Variants in SND1 observed in about 807,000 individuals in gnomAD.
The protein encoded by SND1 is staphylococcal nuclease and tudor domain containing 1, also known as staphylococcal nuclease domain-containing protein 1.
SND1 carries 38 observed loss-of-function variants against 121.7 expected under a neutral mutation model. The observed-to-expected ratio is 0.31, with a 90% CI of 0.24 to 0.41. The LOEUF (loss-of-function observed/expected upper bound fraction) is 0.41, where lower values mean the gene tolerates loss of function less well. SND1 is among the 10% of genes least tolerant of loss of function. SND1 has a pLI of 1.00. For missense variants in SND1, 868 were observed against 1,184.6 expected, an observed-to-expected ratio of 0.73 and a Z score of 3.92; for synonymous variants, 401 against 447.4, an observed-to-expected ratio of 0.90 and a Z score of 1.31.
chr7:127,690,320 A>G (rs1795891718), intron 2 of SND1, among the ~76,000 whole-genome samples: 1 of 152,086 alleles, frequency 6.6e-6, no homozygotes, highest in African/African-American at 2.4e-5. Flanking sequence ...CTCTTACTGA[A>G]ACCCCTCTGG....
intron 12 of SND1, among the ~76,000 whole-genome samples, chr7:127,853,849 C>T (rs1231313333): frequency 6.6e-6 from 1 of 152,188 alleles, no homozygotes; most frequent in Non-Finnish European, 1.5e-5. Context: ...GTGGGCATCA[C>T]AGGGAAGTGG....
chr7:127,768,013 C>A (rs377223606), intron 10 of SND1, among the ~76,000 whole-genome samples: 4 of 152,296 alleles, frequency 2.6e-5, no homozygotes, highest in East Asian at 1.9e-4. Flanking sequence ...TCATTCTGTT[C>A]AACCCCTTTC....
intron 16 of SND1, among the ~76,000 whole-genome samples, chr7:128,058,573 C>G (rs1012591207): frequency 6.6e-6 from 1 of 152,208 alleles, no homozygotes; most frequent in African/African-American, 2.4e-5. Flanking sequence ...AAGGCAGGAC[C>G]AGGCACAAAG....
In SND1 at chr7:128,029,771, C is replaced by G. The variant is rs1357341184; in HGVS notation, c.1779+38715C>G. On this transcript the variant is annotated intron_variant, in intron 16 of 23. Transcript: ENST00000354725. This position sits in a 1 kb window ranked among gnomAD's most constrained non-coding sequence, Gnocchi z 4.2. Reference sequence around the variant, plus strand: ...GGTGTAGATGCAACTCCACCAGGTACCTCAGCGGGGTAAAGAGGTCATGGG... The same window carrying G: ...GGTGTAGATGCAACTCCACCAGGTAGCTCAGCGGGGTAAAGAGGTCATGGG... The G allele has an allele frequency of 6.2e-7, 1 of 1,613,362 alleles. No individual in the cohort carries two copies. Among genetic ancestry groups the G allele is most frequent in the Non-Finnish European group, 8.5e-7 (1 of 1,179,834 alleles).
chr7:127,927,901 A>G (rs886274257), intron 14 of SND1, among the ~76,000 whole-genome samples: 2 of 152,260 alleles, frequency 1.3e-5, no homozygotes, highest in Admixed American at 6.5e-5. Context: ...CTTGTGTCAC[A>G]GAAGTCAGGA....
At chr7:127,888,723 A>T (rs1799955543) in intron 13 of SND1, among the ~76,000 whole-genome samples, 3 of 152,058 alleles carry the variant, frequency 2.0e-5, no homozygotes, top group Non-Finnish European at 4.4e-5. Flanking sequence ...TGCTGAACTG[A>T]CTTGGATAGC....
intron 16 of SND1, among the ~76,000 whole-genome samples, chr7:128,021,616 A>AG (rs1241948277): frequency 2.0e-5 from 3 of 152,242 alleles, no homozygotes; most frequent in African/African-American, 7.2e-5. Flanking sequence ...CTCATTGAGC[A>AG]GGTAGTAACT....
intron 10 of SND1, among the ~76,000 whole-genome samples, chr7:127,747,205 C>G (rs529016897): frequency 3.7e-4 from 57 of 152,298 alleles, no homozygotes; most frequent in Non-Finnish European, 7.2e-4. Context: ...ACAAACATCT[C>G]TGTTCCTTTG....
At chr7:127,789,782 A>G (rs144716543) in intron 10 of SND1, among the ~76,000 whole-genome samples, 226 of 152,280 alleles carry the variant, frequency 1.5e-3, no homozygotes, top group African/African-American at 5.3e-3. Flanking sequence ...TATGTTGTTG[A>G]TCCTTCATCC....
chr7:127,901,196 C>A (rs1800224198), intron 13 of SND1, among the ~76,000 whole-genome samples: 1 of 152,136 alleles, frequency 6.6e-6, no homozygotes, highest in Non-Finnish European at 1.5e-5. Flanking sequence ...AGAGGAGAAC[C>A]CCACTGAGAA....
chr7:128,081,560 G>A (rs1380829016), intron 18 of SND1, 59 bp downstream of exon 18: 1 of 1,601,198 alleles, frequency 6.2e-7, no homozygotes, highest in Non-Finnish European at 8.5e-7. Flanking sequence ...CGCTGCCTGG[G>A]GGTAGGGGGC....
intron 16 of SND1, 80 bp from the exon 17 acceptor site, chr7:128,074,422 G>A (rs1257855793): frequency 7.0e-6 from 10 of 1,425,944 alleles, no homozygotes; most frequent in Admixed American, 2.2e-5. Flanking sequence ...AGGCTTCGGC[G>A]CTGCTGTCCT....
intron 10 of SND1, among the ~76,000 whole-genome samples, chr7:127,796,910 T>TG (rs397945472): frequency 1.5e-5 from 2 of 129,968 alleles, no homozygotes; most frequent in Non-Finnish European, 3.5e-5. Flanking sequence ...TTTTTTTTTT[T>TG]GCTATTGAGT....
At chr7:127,865,725 G>C (rs1260372210) in intron 12 of SND1, among the ~76,000 whole-genome samples, 3 of 151,512 alleles carry the variant, frequency 2.0e-5, no homozygotes, top group East Asian at 1.9e-4. Context: ...TCCTACTTCA[G>C]CTTCCCAAGT....
intron 10 of SND1, among the ~76,000 whole-genome samples, chr7:127,794,163 T>C (rs549111169): frequency 6.6e-6 from 1 of 152,320 alleles, no homozygotes; most frequent in Non-Finnish European, 1.5e-5. Context: ...CCTGAAAAGG[T>C]ACAGGCCTCA....
At chr7:127,698,142 G>A (rs1796040026) in intron 3 of SND1, among the ~76,000 whole-genome samples, 1 of 152,134 alleles carries the variant, frequency 6.6e-6, no homozygotes, top group African/African-American at 2.4e-5. Flanking sequence ...TGCTTTGTGA[G>A]AGATGAGAAA....
At chr7:127,914,169 T>C (rs1800519084) in intron 14 of SND1, among the ~76,000 whole-genome samples, 1 of 152,234 alleles carries the variant, frequency 6.6e-6, no homozygotes, top group Admixed American at 6.5e-5. Context: ...ACCTGTGTTA[T>C]ATTGATTTGT....
chr7:127,863,527 T>C (rs1292548206), intron 12 of SND1, among the ~76,000 whole-genome samples: 1 of 152,256 alleles, frequency 6.6e-6, no homozygotes, highest in African/African-American at 2.4e-5. Context: ...GCTGCCTTAG[T>C]TACTTTGTTT....
At chr7:127,679,172 T>G (rs1045172938) in intron 1 of SND1, 1 of 152,254 alleles carries the variant, frequency 6.6e-6, no homozygotes, top group Non-Finnish European at 1.5e-5. Context: ...TTTAGAGCTT[T>G]GTAGATTTCA....
Sources: allele counts gnomAD v4.1 joint callset (sites outside exome capture counted in the v4.1 genomes callset), GRCh38; gene constraint gnomAD v4.1.1; non-coding constraint Gnocchi (gnomAD v3.1); transcripts MANE v1.5; gene names NCBI Gene and HGNC (gene_info 2026-07-23, HGNC 2026-07-21).